Variants in DTNB observed in about 807,000 individuals in gnomAD.
DTNB encodes the protein dystrobrevin beta, also known as DTN-B.
In DTNB, 63 loss-of-function variants were observed where a neutral mutation model predicts 90.7. That is an observed-to-expected ratio of 0.69 (90% confidence interval 0.57 to 0.86). The LOEUF (loss-of-function observed/expected upper bound fraction) is 0.86, where lower values mean the gene tolerates loss of function less well. DTNB is among the 40% of genes least tolerant of loss of function. The pLI is 0.00. For missense variants in DTNB, 744 were observed against 807.1 expected, an observed-to-expected ratio of 0.92 and a Z score of 0.95; for synonymous variants, 277 against 286.7, an observed-to-expected ratio of 0.97 and a Z score of 0.34.
At chr2:25,391,938 C>T (rs2041237309) in intron 16 of DTNB, among the ~76,000 whole-genome samples, 1 of 152,070 alleles carries the variant, frequency 6.6e-6, no homozygotes, top group South Asian at 2.1e-4. Context: ...GAGGAAAGTT[C>T]ATAGCATTAA....
chr2:25,480,005 G>A (rs181629099), intron 10 of DTNB, among the ~76,000 whole-genome samples: 1 of 152,274 alleles, frequency 6.6e-6, no homozygotes, highest in Admixed American at 6.5e-5. Flanking sequence ...ACATTCAGAG[G>A]AGGGAAGAAA....
chr2:25,417,918 CT>C (rs754076000), intron 16 of DTNB, among the ~76,000 whole-genome samples: 12 of 152,144 alleles, frequency 7.9e-5, no homozygotes, highest in Non-Finnish European at 1.3e-4. Flanking sequence ...GAGGATTAGA[CT>C]TCCCAGCCCC....
intron 12 of DTNB, among the ~76,000 whole-genome samples, chr2:25,447,488 C>A (rs950386193): frequency 6.0e-5 from 9 of 150,064 alleles, no homozygotes; most frequent in Non-Finnish European, 1.0e-4. Flanking sequence ...TGTGTGCTGG[C>A]AGCTAGTTAT....
intron 3 of DTNB, among the ~76,000 whole-genome samples, chr2:25,637,720 A>T (rs947991670): frequency 2.0e-4 from 31 of 152,334 alleles, no homozygotes; most frequent in Non-Finnish European, 3.8e-4. Flanking sequence ...CAGGTGCTGG[A>T]GAGGATGTGG....
At chr2:25,401,276 T>C (rs540682257) in intron 16 of DTNB, among the ~76,000 whole-genome samples, 7 of 152,344 alleles carry the variant, frequency 4.6e-5, no homozygotes, top group Admixed American at 2.0e-4. Context: ...GGACAGTCAA[T>C]TTCATTCCCA....
At chr2:25,599,489 C>T (rs1267093703) in intron 5 of DTNB, among the ~76,000 whole-genome samples, 1 of 151,702 alleles carries the variant, frequency 6.6e-6, no homozygotes, top group African/African-American at 2.4e-5. Flanking sequence ...CTACAGGCGC[C>T]CGCCACCATG....
At chr2:25,533,739 C>T (rs2078736722) in intron 8 of DTNB, among the ~76,000 whole-genome samples, 2 of 152,174 alleles carry the variant, frequency 1.3e-5, no homozygotes, top group South Asian at 4.1e-4. Context: ...TTTCCCAGGT[C>T]TCCCTTTCCC....
At chr2:25,462,687 CTT>C (rs762596674) in intron 10 of DTNB, among the ~76,000 whole-genome samples, 2 of 151,926 alleles carry the variant, frequency 1.3e-5, no homozygotes, top group Non-Finnish European at 2.9e-5. Flanking sequence ...TATATCTTCT[CTT>C]GTTTATACTC....
At position 25,650,168 on chromosome 2, in the gene DTNB, T is replaced by C. The variant is rs114250256; in HGVS notation, c.67+2426A>G. ...GATCTCTACCCCATCAACGCCTGCATGCGTATTACTTAAGGCACCCCAGCC... is the reference window on the plus strand; with the variant it reads ...GATCTCTACCCCATCAACGCCTGCACGCGTATTACTTAAGGCACCCCAGCC... On this transcript the variant is annotated intron_variant, in intron 2 of 20. Transcript: ENST00000406818. The C allele has an allele frequency of 6.4e-4, 632 of 985,482 alleles. 2 individuals are homozygous for C. The African/African-American group carries it at 7.3e-3, about 11-fold the overall frequency. 61.0% of individuals were successfully genotyped at this position (985,482 alleles called of 1,614,324 possible).
rs1448644395 is a variant in DTNB at position 25,388,235 on chromosome 2, C to T, written c.1702G>A (p.Val568Ile). 2 of 1,598,720 alleles carry T rather than the reference C, an allele frequency of 1.3e-6. No homozygotes were observed. Among genetic ancestry groups the T allele is most frequent in the Non-Finnish European group, 8.5e-7 (1 of 1,173,100 alleles). Residue 568 changes from valine to isoleucine, a missense_variant, in exon 17 of 21, where the codon GTC becomes ATC. Val to Ile is a conservative substitution (Grantham distance 29). Transcript: ENST00000406818. Reference protein sequence around the residue: ...THCPQDSLSGVGGDVQEAFAQ... With the variant: ...THCPQDSLSGIGGDVQEAFAQ... ...AAGGCCTCCTGCACGTCTCCCCCGA[C>T]TCCGCTCAGCGAGTCCTGCGGACAG...
intron 16 of DTNB, among the ~76,000 whole-genome samples, chr2:25,413,148 C>T (rs931086485): frequency 6.6e-6 from 1 of 152,014 alleles, no homozygotes; most frequent in Non-Finnish European, 1.5e-5. Flanking sequence ...GAAATAACAA[C>T]ATTAATAATT....
At chr2:25,476,373 T>C (rs964546516) in intron 10 of DTNB, among the ~76,000 whole-genome samples, 3 of 152,160 alleles carry the variant, frequency 2.0e-5, no homozygotes, top group Non-Finnish European at 4.4e-5. Context: ...AAGAAATAAT[T>C]TTGACTTTCA....
At chr2:25,524,818 G>A (rs1045341746) in intron 9 of DTNB, among the ~76,000 whole-genome samples, 2 of 152,154 alleles carry the variant, frequency 1.3e-5, no homozygotes, top group African/African-American at 4.8e-5. Context: ...AGTCCACAAC[G>A]GACTGGGTGT....
intron 7 of DTNB, 127 bp downstream of exon 7, chr2:25,580,594 G>A (rs1440061429): frequency 1.1e-6 from 1 of 919,714 alleles, no homozygotes; most frequent in African/African-American, 1.7e-5. Flanking sequence ...ACCACAAAAT[G>A]AAATGACAGA....
chr2:25,484,497 G>C (rs2065720634), intron 9 of DTNB, among the ~76,000 whole-genome samples: 1 of 152,118 alleles, frequency 6.6e-6, no homozygotes, highest in African/African-American at 2.4e-5. Flanking sequence ...TTTCAGGGAG[G>C]GCCAAGGAAC....
chr2:25,378,955 A>C (rs1354832162), intron 20 of DTNB, among the ~76,000 whole-genome samples: 1 of 152,116 alleles, frequency 6.6e-6, no homozygotes, highest in East Asian at 1.9e-4. Context: ...GGAGCATGGG[A>C]GGCAGTGCTC....
At chr2:25,634,467 G>C (rs1230068336) in intron 3 of DTNB, among the ~76,000 whole-genome samples, 1 of 149,454 alleles carries the variant, frequency 6.7e-6, no homozygotes, top group Non-Finnish European at 1.5e-5. Flanking sequence ...CAGTCGCCCC[G>C]TCGGGGAGGT....
chr2:25,460,082 C>T (rs766602987), intron 10 of DTNB, among the ~76,000 whole-genome samples: 6 of 152,040 alleles, frequency 3.9e-5, no homozygotes, highest in African/African-American at 1.4e-4. Flanking sequence ...TAACAGAGGT[C>T]GTAAGAAATA....
At chr2:25,590,312 A>C (rs1000834704) in intron 6 of DTNB, among the ~76,000 whole-genome samples, 2 of 152,116 alleles carry the variant, frequency 1.3e-5, no homozygotes, top group Admixed American at 1.3e-4. Context: ...TTGGGTCCCG[A>C]GTTCCTGTCC....
Sources: allele counts gnomAD v4.1 joint callset (sites outside exome capture counted in the v4.1 genomes callset), GRCh38; gene constraint gnomAD v4.1.1; transcripts MANE v1.5; gene names NCBI Gene and HGNC (gene_info 2026-07-23, HGNC 2026-07-21).